The following CCSAP variants were observed in gnomAD, a reference collection of about 807,000 sequenced individuals.
CCSAP encodes the protein centriole, cilia and spindle associated protein, also known as centriole, cilia and spindle-associated protein.
A neutral mutation model predicts 25.9 loss-of-function variants in CCSAP; 17 were observed. That is an observed-to-expected ratio of 0.66 (90% confidence interval 0.45 to 0.99). CCSAP has a LOEUF of 0.99. Among genes scored for constraint, CCSAP ranks in the 50% least tolerant of loss-of-function variants. CCSAP has a pLI of 0.00. For synonymous variants in CCSAP, 169 were observed against 157.1 expected, an observed-to-expected ratio of 1.08 and a Z score of -0.57; for missense variants, 339 against 367.8, an observed-to-expected ratio of 0.92 and a Z score of 0.64.
In CCSAP at chr1:229,321,228, A is replaced by T. The variant is rs545573407; in HGVS notation, c.*4007T>A. On this transcript the variant is annotated 3_prime_UTR_variant, in exon 4 of 4. Coordinates refer to ENST00000284617, the MANE Select transcript of CCSAP (RefSeq NM_145257.5). ...AGCACAGGGAAACCTTCCCTAAATAAAGTTTTGTTATTAGAAGAGAAATCC... is the reference window on the plus strand; with the variant it reads ...AGCACAGGGAAACCTTCCCTAAATATAGTTTTGTTATTAGAAGAGAAATCC... The T allele has an allele frequency of 1.3e-5, 2 of 152,322 alleles. No individual in the cohort carries two copies. The highest frequency in any genetic ancestry group is 1.3e-4 in the Admixed American group (2 of 15,302). 9.4% of individuals were successfully genotyped at this position (152,322 alleles called of 1,614,324 possible).
intron 2 of CCSAP, among the ~76,000 whole-genome samples, chr1:229,337,698 T>TATATATATATATAC (rs1473619585): frequency 1.6e-5 from 1 of 60,702 alleles, no homozygotes; most frequent in African/African-American, 6.4e-5. Flanking sequence ...TATATATATA[T>TATATATATATATAC]ACACATACAT....
chr1:229,337,000 C>T (rs548547769), intron 2 of CCSAP, among the ~76,000 whole-genome samples: 1 of 152,138 alleles, frequency 6.6e-6, no homozygotes, highest in African/African-American at 2.4e-5. Context: ...ATTGTAGAAA[C>T]ATTTTTAAGT....
chr1:229,329,256 C>G (rs935448936), intron 2 of CCSAP, among the ~76,000 whole-genome samples: 1 of 152,178 alleles, frequency 6.6e-6, no homozygotes, highest in Non-Finnish European at 1.5e-5. Flanking sequence ...CCCAGAGAAG[C>G]CTGCCCATAG....
chr1:229,332,733 TAAATA>T (rs1431092452), intron 2 of CCSAP, among the ~76,000 whole-genome samples: 3 of 152,158 alleles, frequency 2.0e-5, no homozygotes, highest in African/African-American at 7.2e-5. Context: ...TAATTAAAAG[TAAATA>T]AAATTAAAGA....
At chr1:229,337,041 C>T (rs939345854) in intron 2 of CCSAP, among the ~76,000 whole-genome samples, 1 of 151,956 alleles carries the variant, frequency 6.6e-6, no homozygotes, top group African/African-American at 2.4e-5. Flanking sequence ...CCAGGAGGCA[C>T]ACCATCCAAC....
intron 2 of CCSAP, among the ~76,000 whole-genome samples, chr1:229,337,678 A>AAAAAAAAAAAAAAAAATATATAT: frequency 1.5e-5 from 1 of 65,548 alleles, no homozygotes; most frequent in African/African-American, 6.0e-5. Context: ...CTCAAAAAAA[A>AAAAAAAAAAAAAAAAATATATAT]ATATATATAT....
In CCSAP at chr1:229,325,041, C is replaced by G; in HGVS notation, c.*194G>C. The G allele has an allele frequency of 2.0e-6, 1 of 503,626 alleles. No homozygotes were observed. The highest frequency in any genetic ancestry group is 3.5e-6 in the Non-Finnish European group (1 of 288,102). The allele number at this position is 503,626 out of a possible 1,614,324, so 31.2% of individuals were successfully genotyped here. ...AATAACCAAATGTCTATGGCTTCAA[C>G]TGTCTGCCCTACTGCCGAGGTAGGT... is the stretch of plus-strand genomic sequence containing the variant. On this transcript the variant is annotated 3_prime_UTR_variant, in exon 4 of 4. Transcript: ENST00000284617.
rs1657824335 is a variant in CCSAP, at chr1:229,321,541, T to C, written c.*3694A>G. 6.6e-6 allele frequency: 1 copy of C among 152,188 alleles called. No individual in the cohort carries two copies. Among genetic ancestry groups the C allele is most frequent in the Admixed American group, 6.5e-5 (1 of 15,272 alleles). 9.4% of individuals were successfully genotyped at this position (152,188 alleles called of 1,614,324 possible). ...ACTCTTTAAAATATCATTTTACTGA[T>C]CACAAAATTATATAATAAGGATCTT... On this transcript the variant is annotated 3_prime_UTR_variant, in exon 4 of 4. Transcript: ENST00000284617.
chr1:229,337,197 C>T (rs558412605), intron 2 of CCSAP, among the ~76,000 whole-genome samples: 1 of 152,140 alleles, frequency 6.6e-6, no homozygotes, highest in East Asian at 1.9e-4. Context: ...CACACACAGG[C>T]ACACCACAAA....
Position 229,328,479 on chromosome 1 carries a change from AT to A in CCSAP, c.368-1474del, listed in dbSNP as rs1553304443. Among the ~76,000 whole-genome samples the A allele has an allele frequency of 9.9e-5, 15 of 151,482 alleles. No homozygotes were observed. In the East Asian group the frequency reaches 2.9e-3, roughly 30 times the overall value. Reference sequence around the variant, plus strand: ...CCATGCCCAGGCAATTTACAAAAAAATTTTTTTTGTAGAGATGGGTTCTTGC... The same window carrying A: ...CCATGCCCAGGCAATTTACAAAAAAATTTTTTTGTAGAGATGGGTTCTTGC... On this transcript the variant is annotated intron_variant, in intron 2 of 3. Transcript: ENST00000284617.
intron 2 of CCSAP, 171 bp from the exon 3 acceptor site, chr1:229,327,177 A>T (rs1376624613): frequency 1.7e-6 from 1 of 577,772 alleles, no homozygotes; most frequent in Non-Finnish European, 2.8e-6. Flanking sequence ...CATAATTTTC[A>T]AACCATTTAT....
At chr1:229,327,602 G>T (rs1026460931) in intron 2 of CCSAP, 6 of 455,580 alleles carry the variant, frequency 1.3e-5, no homozygotes, top group South Asian at 7.7e-5. Flanking sequence ...GGGTGCGGTG[G>T]CTCACACCTG....
At chr1:229,333,256 C>T (rs185227624) in intron 2 of CCSAP, among the ~76,000 whole-genome samples, 2 of 151,314 alleles carry the variant, frequency 1.3e-5, no homozygotes, top group African/African-American at 2.4e-5. Flanking sequence ...CACGGTGAAA[C>T]CCCGTCTCTA....
intron 2 of CCSAP, among the ~76,000 whole-genome samples, chr1:229,333,142 A>G (rs1462269590): frequency 6.6e-6 from 1 of 152,200 alleles, no homozygotes; most frequent in African/African-American, 2.4e-5. Flanking sequence ...AAACTTAAAA[A>G]CATTTCTAGG....
rs397733324 is a variant in CCSAP, at chr1:229,337,706, C to CATAT, written c.367+4389_367+4392dup. ...ATATATATATATATATATACACATA[C>CATAT]ATATATATATATGTATATATATATG... On this transcript the variant is annotated intron_variant, in intron 2 of 3. Coordinates refer to ENST00000284617, the MANE Select transcript of CCSAP (RefSeq NM_145257.5). Among the ~76,000 whole-genome samples the CATAT allele has an allele frequency of 3.4e-3, 304 of 88,492 alleles. 7 individuals are homozygous for CATAT. The highest frequency in any genetic ancestry group is 0.011 in the African/African-American group (237 of 21,098). 58.1% of individuals were successfully genotyped at this position (88,492 alleles called of 152,430 possible).
At position 229,343,026 on chromosome 1, in the gene CCSAP, C is replaced by T. The variant is rs1658381115; in HGVS notation, c.-163G>A. The stretch of plus-strand genomic sequence containing the variant: ...GCTTTCCTCCTGAGCAAGATGTCGC[C>T]GCGGCGGCCCGCGCTCCAGCTGCAG... On this transcript the variant is annotated 5_prime_UTR_variant, in exon 1 of 4. Coordinates refer to ENST00000284617, the MANE Select transcript of CCSAP (RefSeq NM_145257.5). 6.6e-6 allele frequency: 1 copy of T among 152,202 alleles called. No homozygotes were observed. Among genetic ancestry groups the T allele is most frequent in the South Asian group, 2.1e-4 (1 of 4,836 alleles). 9.4% of individuals were successfully genotyped at this position (152,202 alleles called of 1,614,324 possible).
In CCSAP at chr1:229,342,541, G is replaced by A. The variant is rs1475846872; in HGVS notation, c.-48-28C>T. On this transcript the variant is annotated intron_variant, in intron 1 of 3. Coordinates refer to ENST00000284617, the MANE Select transcript of CCSAP (RefSeq NM_145257.5). This position sits in a 1 kb window ranked among gnomAD's most constrained non-coding sequence, Gnocchi z 7.5. Reference sequence around the variant, plus strand: ...ACGGGACCCGGTACACGACACAGAGGCCGCCCCGCCCCTCCGCCGGCCCTG... The same window carrying A: ...ACGGGACCCGGTACACGACACAGAGACCGCCCCGCCCCTCCGCCGGCCCTG... 4.0e-6 allele frequency: 4 copies of A among 1,008,762 alleles called. No individual in the cohort carries two copies. Among genetic ancestry groups the A allele is most frequent in the Admixed American group, 4.2e-5 (1 of 23,730 alleles). The allele number at this position is 1,008,762 out of a possible 1,614,324, so 62.5% of individuals were successfully genotyped here.
intron 2 of CCSAP, among the ~76,000 whole-genome samples, chr1:229,341,581 C>T (rs1658335665): frequency 6.6e-6 from 1 of 152,212 alleles, no homozygotes; most frequent in African/African-American, 2.4e-5. Context: ...ATTCAACACT[C>T]CACGTAAACA....
rs1398031739 is a variant in CCSAP, at chr1:229,325,367, T to C, written c.681A>G (p.Glu227=). Residue 227 remains glutamate (E), a synonymous_variant, in exon 4 of 4, where the codon GAA becomes GAG. Transcript: ENST00000284617. Reference sequence around the variant, plus strand: ...GCCTTTGAGCAACCAGTTTCCTTTTTTCCACCTGTCTTCTGTTCTTGGCTC... The same window carrying C: ...GCCTTTGAGCAACCAGTTTCCTTTTCTCCACCTGTCTTCTGTTCTTGGCTC... The part of the protein sequence containing the change: ...ALRAKNRRQV[E]KRKLVAQRQR... 1.2e-6 allele frequency: 2 copies of C among 1,614,170 alleles called. No homozygotes were observed. The highest frequency in any genetic ancestry group is 1.1e-5 in the South Asian group (1 of 91,074).
Sources: gnomAD v4.1 joint callset for allele counts (sites outside exome capture counted in the v4.1 genomes callset) on GRCh38, gnomAD v4.1.1 for gene constraint, Gnocchi (gnomAD v3.1) non-coding constraint, MANE v1.5 for transcripts, NCBI Gene and HGNC (gene_info 2026-07-23, HGNC 2026-07-21) for gene names.